ANKRD54: variants seen among roughly 807,000 people sequenced by gnomAD.
ANKRD54 encodes ankyrin repeat domain-containing protein 54.
Under a neutral mutation model 36.2 loss-of-function variants are expected in ANKRD54, and 26 were observed. The ratio of observed to expected loss-of-function variants is 0.72; its 90% confidence interval spans 0.53 to 1.00. The LOEUF is 1.00. ANKRD54 is among the 50% of genes least tolerant of loss of function. The probability of loss-of-function intolerance (pLI) is 0.00; values close to 1 mark genes in which losing one functional copy is unlikely to be tolerated. For synonymous variants in ANKRD54, 209 were observed against 188.4 expected, an observed-to-expected ratio of 1.11 and a Z score of -0.89; for missense variants, 384 against 424.3, an observed-to-expected ratio of 0.91 and a Z score of 0.83.
At chr22:37,842,821 C>G (rs985321966) in intron 1 of ANKRD54, among the ~76,000 whole-genome samples, 1 of 152,230 alleles carries the variant, frequency 6.6e-6, no homozygotes, top group African/African-American at 2.4e-5. Context: ...CTTAATCTCT[C>G]AGTGCCTGGG....
rs527413616 is a variant in ANKRD54, at chr22:37,832,553, G to A, written c.828+84C>T. 49 of 1,273,598 alleles carry A rather than the reference G, an allele frequency of 3.8e-5. No homozygotes were observed. In the East Asian group the frequency reaches 7.7e-4, roughly 20 times the overall value. 78.9% of individuals were successfully genotyped at this position (1,273,598 alleles called of 1,614,324 possible). A position where few individuals can be genotyped will look rare whatever the true frequency, so the allele number is the denominator to read the frequency against. On this transcript the variant is annotated intron_variant, in intron 7 of 7. Coordinates refer to ENST00000215941, the MANE Select transcript of ANKRD54 (RefSeq NM_138797.4). ...CCAGCCCACAGCCTCTTTCTGATACGAGTGTCTGGTGGCATCGGAGCAGGG... is the reference window on the plus strand; with the variant it reads ...CCAGCCCACAGCCTCTTTCTGATACAAGTGTCTGGTGGCATCGGAGCAGGG...
chr22:37,841,546 A>C (rs1924244417), intron 1 of ANKRD54, among the ~76,000 whole-genome samples: 1 of 146,574 alleles, frequency 6.8e-6, no homozygotes, highest in Non-Finnish European at 1.5e-5. Flanking sequence ...ACACACACAC[A>C]CACACACACA....
At chr22:37,833,485 G>A (rs1016702435) in intron 4 of ANKRD54, among the ~76,000 whole-genome samples, 199 bp downstream of exon 4, 3 of 152,136 alleles carry the variant, frequency 2.0e-5, no homozygotes, top group Non-Finnish European at 2.9e-5. Flanking sequence ...TGGCTCTGCC[G>A]AGGGCACAGC....
chr22:37,837,403 AATG>A (rs1162778439), intron 3 of ANKRD54, among the ~76,000 whole-genome samples: 1 of 152,236 alleles, frequency 6.6e-6, no homozygotes, highest in East Asian at 1.9e-4. Flanking sequence ...AAACACCACA[AATG>A]TCCGTCAATA....
rs755300603 is a variant in ANKRD54, at chr22:37,833,135, CAG to C, written c.595+22_595+23del. The C allele has an allele frequency of 5.6e-5, 90 of 1,613,920 alleles. No homozygotes were observed. The African/African-American group carries it at 1.0e-3, about 18-fold the overall frequency. ...CTGGGGGTGAGGGGGAGAAAGAGGA[CAG>C]AGAGGGGAAGAAACCACATACCTCC... On this transcript the variant is annotated intron_variant, in intron 5 of 7. Transcript: ENST00000215941.
intron 7 of ANKRD54, 70 bp from the exon 8 acceptor site, chr22:37,832,087 TC>T: frequency 6.9e-7 from 1 of 1,454,504 alleles, no homozygotes; most frequent in Non-Finnish European, 9.5e-7. Flanking sequence ...TCTTCCACAA[TC>T]CCACAGGCAC....
chr22:37,845,769 T>G (rs1411901039), upstream of ANKRD54, among the ~76,000 whole-genome samples: 3 of 152,138 alleles, frequency 2.0e-5, no homozygotes, highest in African/African-American at 7.2e-5. Context: ...TTCAGGACAC[T>G]GAGGCAGGAG....
intron 1 of ANKRD54, among the ~76,000 whole-genome samples, chr22:37,841,082 G>GA (rs59447633): frequency 5.5e-4 from 68 of 122,978 alleles, no homozygotes; most frequent in South Asian, 1.9e-3. Context: ...ACTGTCTCAG[G>GA]AAAAAAAAAA....
intron 2 of ANKRD54, 126 bp from the exon 3 acceptor site, chr22:37,838,724 A>C (rs1157876980): frequency 1.2e-6 from 1 of 859,116 alleles, no homozygotes; most frequent in African/African-American, 1.7e-5. Context: ...TGCATAGGAA[A>C]GCAGCCCTTC....
At position 37,844,126 on chromosome 22, in the gene ANKRD54, G is replaced by A; in HGVS notation, c.113C>T (p.Ser38Phe). 2 of 1,493,050 alleles carry A rather than the reference G, an allele frequency of 1.3e-6. No homozygotes were observed. Among genetic ancestry groups the A allele is most frequent in the African/African-American group, 1.5e-5 (1 of 68,580 alleles). The allele number at this position is 1,493,050 out of a possible 1,614,324, so 92.5% of individuals were successfully genotyped here. A position where few individuals can be genotyped will look rare whatever the true frequency, so the allele number is the denominator to read the frequency against. ...CAGCGCAGACCCGAAGTCAGCGAAG[G>A]AGAAGAGGCCCTCAGCGTCAGTCAG... is the stretch of plus-strand genomic sequence containing the variant. ...EPLTDAEGLF[S>F]FADFGSALGG... The change falls in exon 1 of 8, where the codon TCC becomes TTC. Residue 38 changes from serine to phenylalanine, a missense_variant. Around this residue, in one of 3 missense-constraint regions of ANKRD54, gnomAD observed 195 missense variants for 177.7 expected, o/e 1.10. Coordinates refer to ENST00000215941, the MANE Select transcript of ANKRD54 (RefSeq NM_138797.4).
At chr22:37,840,070 G>A (rs1924030212) in intron 2 of ANKRD54, 117 bp downstream of exon 2, 1 of 1,196,894 alleles carries the variant, frequency 8.4e-7, no homozygotes, top group Non-Finnish European at 1.2e-6. Flanking sequence ...TAAATACAGT[G>A]AGCCTGCTCC....
intron 6 of ANKRD54, 104 bp downstream of exon 6, chr22:37,832,852 AAC>A (rs1923064274): frequency 1.2e-6 from 2 of 1,606,192 alleles, no homozygotes; most frequent in African/African-American, 1.3e-5. Context: ...GTCAGTGTGA[AAC>A]AACCCAGGAG....
At chr22:37,847,771 G>C (rs747366499), upstream of ANKRD54, 1 of 436,524 alleles carries the variant, frequency 2.3e-6, no homozygotes, top group South Asian at 1.8e-5. Context: ...ATCGAGGGTC[G>C]GTAAAGCTTA....
chr22:37,849,175 G>A (rs1925003474), upstream of ANKRD54: 1 of 481,062 alleles, frequency 2.1e-6, no homozygotes, highest in African/African-American at 2.0e-5. Context: ...TAGTAGAGAC[G>A]GGGTTTCTCC....
At chr22:37,845,491 AT>A (rs1464829471), upstream of ANKRD54, among the ~76,000 whole-genome samples, 6 of 152,248 alleles carry the variant, frequency 3.9e-5, no homozygotes, top group African/African-American at 1.4e-4. Context: ...GAAGAGACTC[AT>A]TCACAGTTGC....
At chr22:37,847,165 TTTTTC>T (rs1168405969), upstream of ANKRD54, among the ~76,000 whole-genome samples, 1 of 150,256 alleles carries the variant, frequency 6.7e-6, no homozygotes, top group Non-Finnish European at 1.5e-5. Context: ...TTTCTTTTCT[TTTTTC>T]TTTTTTTTTT....
intron 3 of ANKRD54, among the ~76,000 whole-genome samples, chr22:37,836,524 A>G (rs1182531760): frequency 6.6e-6 from 1 of 151,070 alleles, no homozygotes; most frequent in Non-Finnish European, 1.5e-5. Context: ...AAAATGGTCA[A>G]TAATTGGACA....
chr22:37,838,221 G>T (rs1923784585), intron 3 of ANKRD54, among the ~76,000 whole-genome samples: 1 of 152,148 alleles, frequency 6.6e-6, no homozygotes, highest in South Asian at 2.1e-4. Flanking sequence ...AAGTCTTGAA[G>T]GCCTGGGCCC....
upstream of ANKRD54, chr22:37,849,151 TA>T (rs1925002893): frequency 2.2e-6 from 1 of 456,586 alleles, no homozygotes; most frequent in Non-Finnish European, 3.9e-6. Flanking sequence ...CACTCCCGGC[TA>T]ATTTTGTATT....
Sources: gnomAD v4.1 joint callset for allele counts (sites outside exome capture counted in the v4.1 genomes callset) on GRCh38, gnomAD v4.1.1 for gene constraint, gnomAD v4.1.1 regional missense constraint, MANE v1.5 for transcripts, NCBI Gene and HGNC (gene_info 2026-07-23, HGNC 2026-07-21) for gene names.